Variants in NR2E3 observed in about 807,000 individuals in gnomAD.
The protein encoded by NR2E3 is photoreceptor-specific nuclear receptor.
A neutral mutation model predicts 37.6 loss-of-function variants in NR2E3; 38 were observed. The observed-to-expected ratio is 1.01, with a 90% CI of 0.78 to 1.33. The LOEUF (loss-of-function observed/expected upper bound fraction) is 1.33, where lower values mean the gene tolerates loss of function less well. Ranked by LOEUF, NR2E3 falls within the 40% of genes most tolerant of loss-of-function variation. The pLI, the probability that NR2E3 is intolerant of heterozygous loss-of-function variation, is 0.00. For missense variants in NR2E3, 562 were observed against 558.7 expected (o/e 1.01, Z -0.06); for synonymous variants, 235 against 225.1 (o/e 1.04, Z -0.39).
At chr15:71,816,204 C>G (rs1467240836) in intron 7 of NR2E3, among the ~76,000 whole-genome samples, 1 of 151,190 alleles carries the variant, frequency 6.6e-6, no homozygotes. Context: ...CCATCTGTCT[C>G]TTGGGGCTTC....
intron 7 of NR2E3, chr15:71,817,340 C>T (rs555919315): frequency 2.6e-5 from 10 of 391,792 alleles, no homozygotes; most frequent in East Asian, 4.0e-5. Flanking sequence ...CCTTGTGATC[C>T]GCCCGCCTCA....
chr15:71,810,714 C>T lies in NR2E3; in HGVS notation c.-30C>T, dbSNP rs569548291. On this transcript the variant is annotated 5_prime_UTR_variant, in exon 1 of 8. Transcript: ENST00000617575. Reference sequence around the variant, plus strand: ...GCCAGGCTCAGCAACCCAGGCCTCCCGCAGGCAGGCAGAGGCTGCCCTGTA... The same window carrying T: ...GCCAGGCTCAGCAACCCAGGCCTCCTGCAGGCAGGCAGAGGCTGCCCTGTA... 9 of 1,552,606 alleles carry T rather than the reference C, an allele frequency of 5.8e-6. No individual in the cohort carries two copies. The highest frequency in any genetic ancestry group is 5.5e-5 in the African/African-American group (4 of 73,150).
chr15:71,813,290 C>T lies in NR2E3; in HGVS notation c.748-99C>T, dbSNP rs571357847. ...AGAGCATTCTCGGGTCCCAGGACAGCACTTCCATTCCTTGGGTGCCTGAGA... is the reference window on the plus strand; with the variant it reads ...AGAGCATTCTCGGGTCCCAGGACAGTACTTCCATTCCTTGGGTGCCTGAGA... On this transcript the variant is annotated intron_variant, in intron 5 of 7. Coordinates refer to ENST00000617575, the MANE Select transcript of NR2E3 (RefSeq NM_014249.4). The surrounding 1 kb of genome is among the most constrained non-coding windows in gnomAD (Gnocchi z 4.7). 4 of 1,495,248 alleles carry T rather than the reference C, an allele frequency of 2.7e-6. No individual in the cohort carries two copies. The highest frequency in any genetic ancestry group is 3.9e-5 in the Admixed American group (2 of 50,894). 92.6% of individuals were successfully genotyped at this position (1,495,248 alleles called of 1,614,324 possible).
chr15:71,815,778 C>G lies in NR2E3; in HGVS notation c.1100+1661C>G, dbSNP rs534602800. ...TCCACGAAGTAATTCCTACCCTTAG[C>G]TTTTACAATTTACCTGATGTTTCTC... is the stretch of plus-strand genomic sequence containing the variant. On this transcript the variant is annotated intron_variant, in intron 7 of 7. Coordinates refer to ENST00000617575, the MANE Select transcript of NR2E3 (RefSeq NM_014249.4). Among the ~76,000 whole-genome samples, 7 of 152,292 alleles carry G rather than the reference C, an allele frequency of 4.6e-5. No individual in the cohort carries two copies. In the South Asian group the frequency reaches 1.5e-3, roughly 32 times the overall value.
Position 71,811,862 on chromosome 15 carries a change from C to A in NR2E3, c.342C>A (p.Asn114Lys). 1 of 1,551,126 alleles carries A rather than the reference C, an allele frequency of 6.4e-7. No homozygotes were observed. Among genetic ancestry groups the A allele is most frequent in the South Asian group, 1.2e-5 (1 of 84,052 alleles). ...RLKKCLQAGM[N>K]QDAVQNERQP... ...AGAAGTGCCTGCAGGCGGGGATGAA[C>A]CAGGACGGTGAGGCGGGGGCTGGCC... is the stretch of plus-strand genomic sequence containing the variant. The change falls in exon 3 of 8, where the codon AAC becomes AAA. Residue 114 changes from asparagine (N) to lysine (K), a missense_variant. Asn to Lys is a moderately conservative substitution (Grantham distance 94, BLOSUM62 0). Transcript: ENST00000617575. The surrounding 1 kb of genome is among the most constrained non-coding windows in gnomAD (Gnocchi z 5.6).
chr15:71,817,089 C>G (rs1567161743), intron 7 of NR2E3, among the ~76,000 whole-genome samples: 1 of 146,310 alleles, frequency 6.8e-6, no homozygotes, highest in Non-Finnish European at 1.5e-5. Flanking sequence ...GTTAATGCGG[C>G]TTTTCTTTTT....
chr15:71,814,268 T>A, intron 7 of NR2E3, 151 bp downstream of exon 7: 1 of 1,426,964 alleles, frequency 7.0e-7, no homozygotes, highest in Non-Finnish European at 9.2e-7. Context: ...CCAGGCACAG[T>A]GCCAGGCCCC....
chr15:71,812,336 C>T lies in NR2E3; in HGVS notation c.572C>T (p.Ala191Val). 3.1e-6 allele frequency: 5 copies of T among 1,613,978 alleles called. No homozygotes were observed. Among genetic ancestry groups the T allele is most frequent in the Non-Finnish European group, 4.2e-6 (5 of 1,179,866 alleles). Reference protein sequence around the residue: ...ETCAKLEPEDADENIDVTSND... With the variant: ...ETCAKLEPEDVDENIDVTSND... ...AGATCACAACCTCCTCCTCCAACAG[C>T]TGATGAGAATATTGATGTCACCAGC... is the stretch of plus-strand genomic sequence containing the variant. Residue 191 changes from alanine to valine, a missense_variant and splice_region_variant, in exon 5 of 8, where the codon GCT becomes GTT. Physicochemically the swap from Ala to Val is moderately conservative, Grantham distance 64 (BLOSUM62 0). Transcript: ENST00000617575.
rs777231953 is a variant in NR2E3 at position 71,814,171 on chromosome 15, C to T, written c.1100+54C>T. ...TCTGTCCCTGACCTCTAACCTTTCT[C>T]TGCCTCTCCCACACTCTCCCAGAGC... is the stretch of plus-strand genomic sequence containing the variant. On this transcript the variant is annotated intron_variant, in intron 7 of 7. Transcript: ENST00000617575. 5.8e-6 allele frequency: 9 copies of T among 1,565,190 alleles called. No individual in the cohort carries two copies. The South Asian group carries it at 5.8e-5, about 10-fold the overall frequency.
chr15:71,811,551 G>A lies in NR2E3; in HGVS notation c.187G>A (p.Ala63Thr), dbSNP rs1352464001. Residue 63 changes from alanine to threonine, a missense_variant, in exon 2 of 8, where the codon GCC becomes ACC. Physicochemically the swap from Ala to Thr is moderately conservative, Grantham distance 58. Transcript: ENST00000617575. This position sits in a 1 kb window ranked among gnomAD's most constrained non-coding sequence, Gnocchi z 5.6. Reference sequence around the variant, plus strand: ...CAGCGGGAAGCACTATGGCATCTATGCCTGCAACGGCTGCAGCGGCTTCTT... The same window carrying A: ...CAGCGGGAAGCACTATGGCATCTATACCTGCAACGGCTGCAGCGGCTTCTT... ...SSSGKHYGIY[A>T]CNGCSGFFKR... 2 of 1,597,528 alleles carry A rather than the reference G, an allele frequency of 1.3e-6. No individual in the cohort carries two copies. The highest frequency in any genetic ancestry group is 1.7e-6 in the Non-Finnish European group (2 of 1,172,556).
In NR2E3 at chr15:71,811,397, GA is replaced by G; in HGVS notation, c.119-83del. The G allele has an allele frequency of 7.6e-7, 1 of 1,317,890 alleles. No individual in the cohort carries two copies. The highest frequency in any genetic ancestry group is 1.0e-6 in the Non-Finnish European group (1 of 956,946). 81.6% of individuals were successfully genotyped at this position (1,317,890 alleles called of 1,614,324 possible). On this transcript the variant is annotated intron_variant, in intron 1 of 7. Transcript: ENST00000617575. The surrounding 1 kb of genome is among the most constrained non-coding windows in gnomAD (Gnocchi z 5.6). ...CGGGTGAGCGGGGCCTGAGGACTGG[GA>G]AAGGGACCCGAGGGAAGGAGGGGAG...
intron 7 of NR2E3, 188 bp from the exon 8 acceptor site, chr15:71,817,364 C>G (rs914027992): frequency 5.3e-6 from 3 of 569,002 alleles, no homozygotes; most frequent in South Asian, 7.9e-5. Flanking sequence ...TCCCAAAGTG[C>G]TGGGATTACG....
At chr15:71,815,576 A>G (rs931714258) in intron 7 of NR2E3, among the ~76,000 whole-genome samples, 5 of 152,190 alleles carry the variant, frequency 3.3e-5, no homozygotes, top group African/African-American at 1.2e-4. Flanking sequence ...GCTGATTAAG[A>G]TTTCCTATGT....
Position 71,811,368 on chromosome 15 carries a change from A to C in NR2E3, c.119-115A>C. On this transcript the variant is annotated intron_variant, in intron 1 of 7. Coordinates refer to ENST00000617575, the MANE Select transcript of NR2E3 (RefSeq NM_014249.4). The surrounding 1 kb of genome is among the most constrained non-coding windows in gnomAD (Gnocchi z 5.6). ...GAAGAGTCACGCGTGGGTTCGTTCA[A>C]ATGCGGGTGAGCGGGGCCTGAGGAC... The C allele has an allele frequency of 2.1e-6, 2 of 973,016 alleles. No individual in the cohort carries two copies. The highest frequency in any genetic ancestry group is 5.3e-5 in the East Asian group (2 of 37,806). 60.3% of individuals were successfully genotyped at this position (973,016 alleles called of 1,614,324 possible).
At position 71,813,484 on chromosome 15, in the gene NR2E3, C is replaced by T. The variant is rs555211505; in HGVS notation, c.843C>T (p.Pro281=). The stretch of plus-strand genomic sequence containing the variant: ...ACAGCTGTCCTCTGCTGGCACCGCC[C>T]GAGGCCTCTGCTGCCGGTGGTGCCC... The part of the protein sequence containing the change: ...PLDSCPLLAP[P]EASAAGGAQG... The change falls in exon 6 of 8, where the codon CCC becomes CCT. Residue 281 remains proline, a synonymous_variant. Transcript: ENST00000617575. This position sits in a 1 kb window ranked among gnomAD's most constrained non-coding sequence, Gnocchi z 4.7. The T allele has an allele frequency of 6.0e-5, 97 of 1,611,054 alleles. No individual in the cohort carries two copies. The East Asian group carries it at 1.7e-3, about 28-fold the overall frequency.
Position 71,817,774 on chromosome 15 carries a change from G to C in NR2E3, c.*90G>C. 8.0e-7 allele frequency: 1 copy of C among 1,248,006 alleles called. No homozygotes were observed. Among genetic ancestry groups the C allele is most frequent in the East Asian group, 2.6e-5 (1 of 38,706 alleles). The allele number at this position is 1,248,006 out of a possible 1,614,324, so 77.3% of individuals were successfully genotyped here. ...CTACTCTTTGCCCCAGCAATTCCTC[G>C]TAGGTGTGTGTACCCAGCAGAAATG... On this transcript the variant is annotated 3_prime_UTR_variant, in exon 8 of 8. Transcript: ENST00000617575.
In NR2E3 at chr15:71,813,251, T is replaced by TA; in HGVS notation, c.748-138_748-137insA. On this transcript the variant is annotated intron_variant, in intron 5 of 7. Coordinates refer to ENST00000617575, the MANE Select transcript of NR2E3 (RefSeq NM_014249.4). The surrounding 1 kb of genome is among the most constrained non-coding windows in gnomAD (Gnocchi z 4.7). Reference sequence around the variant, plus strand: ...GCCAAATCCCAGAGCTCTGAGCCTCTGGCTGATGTCAGGAGAGCATTCTCG... The same window carrying TA: ...GCCAAATCCCAGAGCTCTGAGCCTCTAGGCTGATGTCAGGAGAGCATTCTCG... 1 of 1,212,928 alleles carries TA rather than the reference T, an allele frequency of 8.2e-7. No homozygotes were observed. Among genetic ancestry groups the TA allele is most frequent in the Non-Finnish European group, 1.2e-6 (1 of 869,130 alleles). 75.1% of individuals were successfully genotyped at this position (1,212,928 alleles called of 1,614,324 possible). A position where few individuals can be genotyped will look rare whatever the true frequency, so the allele number is the denominator to read the frequency against.
chr15:71,817,274 A>G (rs1282010984), intron 7 of NR2E3, among the ~76,000 whole-genome samples: 1 of 151,598 alleles, frequency 6.6e-6, no homozygotes, highest in Non-Finnish European at 1.5e-5. Flanking sequence ...AATTTTTTGT[A>G]TATTTAGTAG....
chr15:71,811,888 CG>C lies in NR2E3; in HGVS notation c.349+25del. ...CAGGACGGTGAGGCGGGGGCTGGCC[CG>C]GGGGGAGGTGACAAGAAATGGGCAG... is the stretch of plus-strand genomic sequence containing the variant. On this transcript the variant is annotated intron_variant, in intron 3 of 7. Coordinates refer to ENST00000617575, the MANE Select transcript of NR2E3 (RefSeq NM_014249.4). The surrounding 1 kb of genome is among the most constrained non-coding windows in gnomAD (Gnocchi z 5.6). 6.5e-7 allele frequency: 1 copy of C among 1,550,202 alleles called. No individual in the cohort carries two copies. The highest frequency in any genetic ancestry group is 1.4e-5 in the African/African-American group (1 of 73,120).
Sources: gnomAD v4.1 joint callset for allele counts (sites outside exome capture counted in the v4.1 genomes callset) on GRCh38, gnomAD v4.1.1 for gene constraint, Gnocchi (gnomAD v3.1) non-coding constraint, MANE v1.5 for transcripts, NCBI Gene and HGNC (gene_info 2026-07-23, HGNC 2026-07-21) for gene names.